The following SLC16A9 variants were observed in gnomAD, a reference collection of about 807,000 sequenced individuals.
SLC16A9 encodes the protein monocarboxylate transporter 9.
A neutral mutation model predicts 44.3 loss-of-function variants in SLC16A9; 26 were observed. The observed-to-expected ratio is 0.59, with a 90% CI of 0.43 to 0.81. SLC16A9 has a LOEUF of 0.81. Ranked by LOEUF, SLC16A9 falls within the 40% of genes least tolerant of loss-of-function variation. The pLI is 0.00. For synonymous variants in SLC16A9, 230 were observed against 225.1 expected, an observed-to-expected ratio of 1.02 and a Z score of -0.19; for missense variants, 559 against 595.8, an observed-to-expected ratio of 0.94 and a Z score of 0.64.
intron 1 of SLC16A9, among the ~76,000 whole-genome samples, chr10:59,688,768 TTGTCC>T (rs937417341): frequency 3.3e-5 from 5 of 150,504 alleles, no homozygotes; most frequent in African/African-American, 1.2e-4. Flanking sequence ...GCATACGAGA[TTGTCC>T]TTCATTCAAA....
chr10:59,692,470 T>TA (rs1265381618), intron 1 of SLC16A9, among the ~76,000 whole-genome samples: 2 of 152,166 alleles, frequency 1.3e-5, no homozygotes, highest in Non-Finnish European at 2.9e-5. Flanking sequence ...ATTTTAAAAT[T>TA]AGATTGTGGT....
intron 1 of SLC16A9, among the ~76,000 whole-genome samples, chr10:59,698,296 A>T (rs764484050): frequency 1.3e-5 from 2 of 152,190 alleles, no homozygotes; most frequent in Non-Finnish European, 2.9e-5. Context: ...TTTCCTAAGC[A>T]CACTGGACCA....
chr10:59,667,350 A>G (rs1209944796), intron 3 of SLC16A9, among the ~76,000 whole-genome samples: 1 of 152,218 alleles, frequency 6.6e-6, no homozygotes, highest in Non-Finnish European at 1.5e-5. Context: ...ATATTGTAAC[A>G]TATTGAGTAC....
chr10:59,653,603 C>T, intron 5 of SLC16A9, 72 bp downstream of exon 5: 1 of 1,304,474 alleles, frequency 7.7e-7, no homozygotes, highest in South Asian at 1.4e-5. Context: ...CTATTACAAT[C>T]TGGACCTCTA....
At chr10:59,690,441 G>C (rs763774997) in intron 1 of SLC16A9, among the ~76,000 whole-genome samples, 8 of 152,146 alleles carry the variant, frequency 5.3e-5, no homozygotes, top group Non-Finnish European at 8.8e-5. Flanking sequence ...TAAATGTTTA[G>C]GAGTCGAAGG....
At chr10:59,699,752 A>G (rs1276247882) in intron 1 of SLC16A9, among the ~76,000 whole-genome samples, 1 of 151,834 alleles carries the variant, frequency 6.6e-6, no homozygotes, top group Non-Finnish European at 1.5e-5. Flanking sequence ...TTATCCTCAT[A>G]TAGCTCCCCC....
chr10:59,667,615 C>A (rs932032991), intron 3 of SLC16A9, among the ~76,000 whole-genome samples: 6 of 151,968 alleles, frequency 3.9e-5, no homozygotes, highest in Non-Finnish European at 7.4e-5. Context: ...TAAGTATAAT[C>A]CTCATAATCA....
At chr10:59,700,736 CT>C (rs1282353917) in intron 1 of SLC16A9, among the ~76,000 whole-genome samples, 1 of 152,152 alleles carries the variant, frequency 6.6e-6, no homozygotes, top group Non-Finnish European at 1.5e-5. Flanking sequence ...CTCATCATTC[CT>C]CTACTCAGTG....
intron 4 of SLC16A9, among the ~76,000 whole-genome samples, chr10:59,658,744 G>A (rs1839404952): frequency 6.6e-6 from 1 of 152,134 alleles, no homozygotes; most frequent in African/African-American, 2.4e-5. Context: ...CCTTAGCCAT[G>A]TCCTCTGACT....
At chr10:59,706,699 G>C (rs1025597386) in intron 1 of SLC16A9, among the ~76,000 whole-genome samples, 2 of 151,524 alleles carry the variant, frequency 1.3e-5, no homozygotes, top group African/African-American at 4.9e-5. Flanking sequence ...TCAGTCAGGC[G>C]TGGTGGCTCA....
intron 5 of SLC16A9, 56 bp from the exon 6 acceptor site, chr10:59,653,006 C>T (rs1305159828): frequency 7.4e-7 from 1 of 1,346,196 alleles, no homozygotes; most frequent in East Asian, 2.3e-5. Context: ...GAACATCCAT[C>T]CCATACCCTA....
At chr10:59,664,361 A>G in intron 3 of SLC16A9, 39 bp from the exon 4 acceptor site, 1 of 1,381,534 alleles carries the variant, frequency 7.2e-7, no homozygotes, top group Non-Finnish European at 1.0e-6. Flanking sequence ...AAGACGCTGC[A>G]TTACTTCAAT....
chr10:59,708,958 C>A (rs1840703919), intron 1 of SLC16A9, among the ~76,000 whole-genome samples: 1 of 152,228 alleles, frequency 6.6e-6, no homozygotes, highest in Middle Eastern at 3.2e-3. Context: ...AATCCGCCGG[C>A]CCTGCGCGCT....
intron 1 of SLC16A9, among the ~76,000 whole-genome samples, chr10:59,700,631 G>GT (rs1416308353): frequency 6.6e-6 from 1 of 152,166 alleles, no homozygotes; most frequent in African/African-American, 2.4e-5. Flanking sequence ...TAACTATTTA[G>GT]TAAGTGTTCA....
intron 5 of SLC16A9, 152 bp downstream of exon 5, chr10:59,653,523 C>A: frequency 4.5e-6 from 2 of 447,744 alleles, no homozygotes; most frequent in South Asian, 3.6e-5. Flanking sequence ...TCAATTATAT[C>A]AAAGCAGTCT....
chr10:59,686,133 T>A (rs1305215581), intron 1 of SLC16A9, among the ~76,000 whole-genome samples: 2 of 152,140 alleles, frequency 1.3e-5, no homozygotes, highest in East Asian at 3.9e-4. Context: ...AATTCTTAGG[T>A]GTATATGGAT....
In SLC16A9 at chr10:59,659,241, C is replaced by T. The variant is rs138070504; in HGVS notation, c.437-4652G>A. 1.1e-4 allele frequency among the ~76,000 whole-genome samples: 17 copies of T among 152,100 alleles called. No individual in the cohort carries two copies. The East Asian group carries it at 1.5e-3, about 14-fold the overall frequency. The stretch of plus-strand genomic sequence containing the variant: ...AAACAGCTTGTCATTTGGATATGCA[C>T]GTAGGTCAGTGAGAGGTATTGAGAA... On this transcript the variant is annotated intron_variant, in intron 4 of 5. Coordinates refer to ENST00000395348, the MANE Select transcript of SLC16A9 (RefSeq NM_194298.3).
intron 3 of SLC16A9, among the ~76,000 whole-genome samples, chr10:59,667,506 C>T (rs1056916475): frequency 9.8e-5 from 15 of 152,294 alleles, no homozygotes; most frequent in African/African-American, 3.6e-4. Flanking sequence ...ATGATATTTA[C>T]GTTAACATCT....
At chr10:59,699,492 C>G (rs74152119) in intron 1 of SLC16A9, among the ~76,000 whole-genome samples, 1 of 152,138 alleles carries the variant, frequency 6.6e-6, no homozygotes, top group Non-Finnish European at 1.5e-5. Context: ...GAGTGTACAT[C>G]GCAGCTCTGG....
Sources: gnomAD v4.1 joint callset for allele counts (sites outside exome capture counted in the v4.1 genomes callset) on GRCh38, gnomAD v4.1.1 for gene constraint, MANE v1.5 for transcripts, NCBI Gene and HGNC (gene_info 2026-07-23, HGNC 2026-07-21) for gene names.